L3MBTL4: variants seen among roughly 807,000 people sequenced by gnomAD.
L3MBTL4 encodes the protein lethal(3)malignant brain tumor-like protein 4.
A neutral mutation model predicts 84.5 loss-of-function variants in L3MBTL4; 70 were observed. The observed-to-expected ratio is 0.83, with a 90% CI of 0.68 to 1.01. The LOEUF is 1.01. L3MBTL4 is among the 50% of genes least tolerant of loss of function. The probability of loss-of-function intolerance (pLI) is 0.00; values close to 1 mark genes in which losing one functional copy is unlikely to be tolerated. For synonymous variants in L3MBTL4, 274 were observed against 259.8 expected (o/e 1.05, Z -0.52); for missense variants, 715 against 754.8 (o/e 0.95, Z 0.62).
chr18:6,019,538 T>C (rs2055154130), intron 16 of L3MBTL4, among the ~76,000 whole-genome samples: 1 of 152,202 alleles, frequency 6.6e-6, no homozygotes. Context: ...GTAAATGAAA[T>C]TCAATCAAAT....
At chr18:6,343,212 C>A (rs189385864) in intron 1 of L3MBTL4, among the ~76,000 whole-genome samples, 1 of 152,202 alleles carries the variant, frequency 6.6e-6, no homozygotes, top group East Asian at 1.9e-4. Context: ...AAGGGAACAA[C>A]GAAATTCAGC....
At chr18:6,093,112 C>T (rs1489013487) in intron 15 of L3MBTL4, among the ~76,000 whole-genome samples, 4 of 152,124 alleles carry the variant, frequency 2.6e-5, no homozygotes, top group Non-Finnish European at 4.4e-5. Flanking sequence ...CTACTGCTTA[C>T]ATACAATATG....
At chr18:6,100,075 GA>G (rs1568120279) in intron 14 of L3MBTL4, among the ~76,000 whole-genome samples, 1 of 152,160 alleles carries the variant, frequency 6.6e-6, no homozygotes, top group African/African-American at 2.4e-5. Context: ...GAGAATTAGA[GA>G]AAATTGGAAG....
intron 14 of L3MBTL4, among the ~76,000 whole-genome samples, chr18:6,133,224 T>C (rs1366424913): frequency 6.6e-6 from 1 of 152,004 alleles, no homozygotes; most frequent in Non-Finnish European, 1.5e-5. Context: ...TCCAATACAG[T>C]AGCCACTAGT....
chr18:6,177,056 A>G (rs1432069190), intron 12 of L3MBTL4, among the ~76,000 whole-genome samples: 1 of 152,216 alleles, frequency 6.6e-6, no homozygotes, highest in African/African-American at 2.4e-5. Context: ...AAAATTGCAC[A>G]ACCACTTTCA....
chr18:6,384,543 C>T (rs2054733988), intron 1 of L3MBTL4, among the ~76,000 whole-genome samples: 1 of 152,214 alleles, frequency 6.6e-6, no homozygotes, highest in African/African-American at 2.4e-5. Context: ...ACTCTCTCTT[C>T]TTTCACTGAA....
At chr18:6,280,239 T>G (rs1427681656) in intron 4 of L3MBTL4, among the ~76,000 whole-genome samples, 3 of 152,182 alleles carry the variant, frequency 2.0e-5, no homozygotes, top group Admixed American at 2.0e-4. Flanking sequence ...AAAAATCTAA[T>G]GTAAAATCAT....
Position 5,956,121 on chromosome 18 carries a change from G to A in L3MBTL4, c.*99C>T. 2 of 996,152 alleles carry A rather than the reference G, an allele frequency of 2.0e-6. No homozygotes were observed. Among genetic ancestry groups the A allele is most frequent in the Non-Finnish European group, 3.0e-6 (2 of 656,700 alleles). The allele number at this position is 996,152 out of a possible 1,614,324, so 61.7% of individuals were successfully genotyped here. A position where few individuals can be genotyped will look rare whatever the true frequency, so the allele number is the denominator to read the frequency against. Reference sequence around the variant, plus strand: ...ACTTTAAAAAGTCCAGATTCAGTGTGGATACGGCCATGGGGACATTCACAT... The same window carrying A: ...ACTTTAAAAAGTCCAGATTCAGTGTAGATACGGCCATGGGGACATTCACAT... On this transcript the variant is annotated 3_prime_UTR_variant, in exon 19 of 19. Transcript: ENST00000317931.
At chr18:6,071,768 A>AG (rs1491310117) in intron 16 of L3MBTL4, among the ~76,000 whole-genome samples, 143 of 102,838 alleles carry the variant, frequency 1.4e-3, no homozygotes, top group African/African-American at 3.8e-3. Flanking sequence ...AAAAAAAGAA[A>AG]GAAAGAAAGA....
At chr18:6,148,432 T>A (rs1682422848) in intron 13 of L3MBTL4, among the ~76,000 whole-genome samples, 1 of 151,948 alleles carries the variant, frequency 6.6e-6, no homozygotes, top group Non-Finnish European at 1.5e-5. Context: ...AAGATTTTGT[T>A]TTTTCTTTTT....
intron 16 of L3MBTL4, among the ~76,000 whole-genome samples, chr18:6,050,130 A>G (rs932033615): frequency 2.0e-5 from 3 of 152,356 alleles, no homozygotes; most frequent in Non-Finnish European, 4.4e-5. Context: ...ATAAGAGGCC[A>G]AACTTTTTTT....
chr18:6,239,893 G>C, intron 8 of L3MBTL4, 21 bp from the exon 9 acceptor site: 1 of 1,613,462 alleles, frequency 6.2e-7, no homozygotes, highest in Non-Finnish European at 8.5e-7. Context: ...ACCAGCAGGG[G>C]AAGAAGCACA....
At chr18:6,129,592 G>A (rs1171105426) in intron 14 of L3MBTL4, among the ~76,000 whole-genome samples, 1 of 152,060 alleles carries the variant, frequency 6.6e-6, no homozygotes, top group African/African-American at 2.4e-5. Context: ...TATCTCTTCA[G>A]TGTTCTCATT....
intron 5 of L3MBTL4, among the ~76,000 whole-genome samples, chr18:6,250,512 G>C (rs2047877552): frequency 6.6e-6 from 1 of 152,212 alleles, no homozygotes; most frequent in African/African-American, 2.4e-5. Context: ...GTGTATCACG[G>C]AAGAGCGCTC....
chr18:6,362,013 G>A, intron 1 of L3MBTL4, among the ~76,000 whole-genome samples: 1 of 151,774 alleles, frequency 6.6e-6, no homozygotes, highest in Non-Finnish European at 1.5e-5. Flanking sequence ...AGAGGCTGAG[G>A]TGGGTGGATC....
At chr18:6,264,612 C>T (rs1035273313) in intron 4 of L3MBTL4, among the ~76,000 whole-genome samples, 1 of 152,084 alleles carries the variant, frequency 6.6e-6, no homozygotes, top group Non-Finnish European at 1.5e-5. Flanking sequence ...GGTGAAACCC[C>T]GTCTCTACTA....
chr18:6,311,573 A>G lies in L3MBTL4; in HGVS notation c.53T>C (p.Leu18Ser). ...TCTTACCAAGCGTCCGTCCTGATCC[A>G]AACGCTCTTTGGAATCCATATTAAG... is the stretch of plus-strand genomic sequence containing the variant. ...RKLNMDSKERLDQDGRLEQAE... is the reference protein window; with the variant it reads ...RKLNMDSKERSDQDGRLEQAE... The change falls in exon 3 of 19, where the codon TTG becomes TCG. Residue 18 changes from leucine to serine, a missense_variant. By Grantham distance (145) the Leu-to-Ser change is moderately radical. Transcript: ENST00000317931. 6.2e-7 allele frequency: 1 copy of G among 1,613,444 alleles called. No homozygotes were observed. Among genetic ancestry groups the G allele is most frequent in the South Asian group, 1.1e-5 (1 of 91,048 alleles).
chr18:6,150,397 C>A (rs901168159), intron 13 of L3MBTL4, among the ~76,000 whole-genome samples: 1 of 151,892 alleles, frequency 6.6e-6, no homozygotes, highest in Non-Finnish European at 1.5e-5. Flanking sequence ...GCATTCTTAA[C>A]AGAAAATGTT....
intron 12 of L3MBTL4, among the ~76,000 whole-genome samples, chr18:6,195,049 G>A (rs2045312939): frequency 6.6e-6 from 1 of 152,138 alleles, no homozygotes; most frequent in Admixed American, 6.5e-5. Context: ...TACCAAATTT[G>A]CCCATAAGTG....
Sources: allele counts gnomAD v4.1 joint callset (sites outside exome capture counted in the v4.1 genomes callset), GRCh38; gene constraint gnomAD v4.1.1; transcripts MANE v1.5; gene names NCBI Gene and HGNC (gene_info 2026-07-23, HGNC 2026-07-21).